The following PTGES3 variants were observed in gnomAD, a reference collection of about 807,000 sequenced individuals.
PTGES3 encodes prostaglandin E synthase 3.
A neutral mutation model predicts 29.9 loss-of-function variants in PTGES3; 5 were observed. The ratio of observed to expected loss-of-function variants is 0.17; its 90% confidence interval spans 0.09 to 0.35. PTGES3 has a LOEUF of 0.35. PTGES3 is among the 10% of genes least tolerant of loss of function. The pLI is 1.00. For missense variants in PTGES3, 128 were observed against 190.0 expected (o/e 0.67, Z 1.92); for synonymous variants, 49 against 57.8 (o/e 0.85, Z 0.69).
chr12:56,676,018 G>A (rs1952223186), intron 1 of PTGES3, among the ~76,000 whole-genome samples: 1 of 152,056 alleles, frequency 6.6e-6, no homozygotes, highest in African/African-American at 2.4e-5. Flanking sequence ...CCTGGGGCTG[G>A]GAGTTTGAGA....
chr12:56,665,686 C>T, intron 6 of PTGES3: 6 of 956,278 alleles, frequency 6.3e-6, no homozygotes, highest in Non-Finnish European at 7.5e-6. Context: ...CTGCTGCCCA[C>T]ACTGGAGTGC....
intron 1 of PTGES3, among the ~76,000 whole-genome samples, chr12:56,686,124 C>T (rs1018966593): frequency 2.1e-5 from 3 of 145,902 alleles, no homozygotes; most frequent in African/African-American, 7.5e-5. Flanking sequence ...TAGTAATAGC[C>T]GTTCCTTACC....
chr12:56,663,505 T>G lies in PTGES3; in HGVS notation c.*974A>C, dbSNP rs1345462473. ...AAGCCTCTTTTTTCAAACAGAGGAA[T>G]AATCCCAAATTCTTCCTCAAATAAA... On this transcript the variant is annotated 3_prime_UTR_variant, in exon 8 of 8. Coordinates refer to ENST00000262033, the MANE Select transcript of PTGES3 (RefSeq NM_006601.7). 1 of 145,352 alleles carries G rather than the reference T, an allele frequency of 6.9e-6. No homozygotes were observed. Among genetic ancestry groups the G allele is most frequent in the South Asian group, 2.2e-4 (1 of 4,554 alleles). 9.0% of individuals were successfully genotyped at this position (145,352 alleles called of 1,614,324 possible).
At position 56,680,207 on chromosome 12, in the gene PTGES3, T is replaced by C. The variant is rs904413486; in HGVS notation, c.3-7142A>G. Among the ~76,000 whole-genome samples, 10 of 151,148 alleles carry C rather than the reference T, an allele frequency of 6.6e-5. 1 individual carries two copies. Among genetic ancestry groups the C allele is most frequent in the Admixed American group, 6.6e-4 (10 of 15,134 alleles). ...CTGCCTCAGCCTCACAATGAGTAGA[T>C]GGAACTACAGGCATGCGTCACCACA... On this transcript the variant is annotated intron_variant, in intron 1 of 7. Transcript: ENST00000262033.
At position 56,664,299 on chromosome 12, in the gene PTGES3, A is replaced by G. The variant is rs1489385664; in HGVS notation, c.*180T>C. Reference sequence around the variant, plus strand: ...TAGCTGACTTAAAATTGCCCCATACAATGGTACATATCAACCCTTAGTGAA... The same window carrying G: ...TAGCTGACTTAAAATTGCCCCATACGATGGTACATATCAACCCTTAGTGAA... On this transcript the variant is annotated 3_prime_UTR_variant, in exon 8 of 8. Transcript: ENST00000262033. 1.2e-5 allele frequency: 7 copies of G among 596,094 alleles called. No individual in the cohort carries two copies. The highest frequency in any genetic ancestry group is 5.8e-6 in the Non-Finnish European group (2 of 343,166). The allele number at this position is 596,094 out of a possible 1,614,324, so 36.9% of individuals were successfully genotyped here.
At chr12:56,673,789 CAAA>C (rs57371154) in intron 1 of PTGES3, among the ~76,000 whole-genome samples, 15,778 of 92,226 alleles carry the variant, frequency 0.17, 1,092 homozygotes, top group East Asian at 0.27. Context: ...GAGACTGTCT[CAAA>C]AAAAAAAAAA....
intron 6 of PTGES3, chr12:56,665,647 CTT>C (rs1951757419): frequency 2.0e-6 from 2 of 984,802 alleles, no homozygotes; most frequent in African/African-American, 1.7e-5. Flanking sequence ...AACTGACTCT[CTT>C]CTTTCTTTTT....
At chr12:56,683,631 C>A (rs939482380) in intron 1 of PTGES3, among the ~76,000 whole-genome samples, 11 of 150,926 alleles carry the variant, frequency 7.3e-5, no homozygotes, top group African/African-American at 2.7e-4. Flanking sequence ...GCCTGGGCGA[C>A]AGAGCCAGAC....
At position 56,683,038 on chromosome 12, in the gene PTGES3, A is replaced by C. The variant is rs561874387; in HGVS notation, c.2+4960T>G. Among the ~76,000 whole-genome samples, 4 of 152,000 alleles carry C rather than the reference A, an allele frequency of 2.6e-5. No individual in the cohort carries two copies. The East Asian group carries it at 7.8e-4, about 29-fold the overall frequency. The stretch of plus-strand genomic sequence containing the variant: ...ACAAAGGTATACCGAGGAAGCAGGG[A>C]AGCAGCCTCATTCTAGAATCTATCA... On this transcript the variant is annotated intron_variant, in intron 1 of 7. Coordinates refer to ENST00000262033, the MANE Select transcript of PTGES3 (RefSeq NM_006601.7).
rs118184385 is a variant in PTGES3, at chr12:56,679,727, A to G, written c.3-6662T>C. Among the ~76,000 whole-genome samples the G allele has an allele frequency of 3.2e-3, 481 of 151,716 alleles. 7 individuals are homozygous for G. The East Asian group carries it at 0.037, about 12-fold the overall frequency. ...GTCACCCCGGAGTGACAGGCTGGAGAACGGTGGCATGATCTTGGCTCACCG... is the reference window on the plus strand; with the variant it reads ...GTCACCCCGGAGTGACAGGCTGGAGGACGGTGGCATGATCTTGGCTCACCG... On this transcript the variant is annotated intron_variant, in intron 1 of 7. Coordinates refer to ENST00000262033, the MANE Select transcript of PTGES3 (RefSeq NM_006601.7).
At chr12:56,675,004 CAAAAAAAAAAA>C (rs1177350725) in intron 1 of PTGES3, among the ~76,000 whole-genome samples, 3 of 32,358 alleles carry the variant, frequency 9.3e-5, no homozygotes, top group East Asian at 1.1e-3. Context: ...AACTCGGTCT[CAAAAAAAAAAA>C]AAAAAAAAAA....
Position 56,688,116 on chromosome 12 carries a change from T to C in PTGES3, c.-117A>G. The C allele has an allele frequency of 7.1e-7, 1 of 1,416,958 alleles. No homozygotes were observed. Among genetic ancestry groups the C allele is most frequent in the Non-Finnish European group, 9.2e-7 (1 of 1,087,126 alleles). 87.8% of individuals were successfully genotyped at this position (1,416,958 alleles called of 1,614,324 possible). On this transcript the variant is annotated 5_prime_UTR_variant, in exon 1 of 8. Transcript: ENST00000262033. ...CCGCTTTTTCTCTCCGGTCGCGGCCTCTTCTCGCTTCCCTCAGGCGACGGC... is the reference window on the plus strand; with the variant it reads ...CCGCTTTTTCTCTCCGGTCGCGGCCCCTTCTCGCTTCCCTCAGGCGACGGC...
chr12:56,681,308 G>C (rs1420702222), intron 1 of PTGES3, among the ~76,000 whole-genome samples: 2 of 151,926 alleles, frequency 1.3e-5, no homozygotes, highest in Admixed American at 6.6e-5. Flanking sequence ...GGAGGCCGAG[G>C]AGGGCGGATC....
At chr12:56,666,333 T>C in intron 5 of PTGES3, 67 bp from the exon 6 acceptor site, 1 of 1,555,414 alleles carries the variant, frequency 6.4e-7, no homozygotes, top group Non-Finnish European at 8.7e-7. Flanking sequence ...TAATGCTGTA[T>C]GCTTCAGAAT....
chr12:56,681,077 A>G (rs959118718), intron 1 of PTGES3, among the ~76,000 whole-genome samples: 1 of 150,102 alleles, frequency 6.7e-6, no homozygotes, highest in Non-Finnish European at 1.5e-5. Context: ...TGGTCCCCCC[A>G]TTTGTAGTTG....
chr12:56,665,390 G>T, intron 6 of PTGES3: 1 of 882,312 alleles, frequency 1.1e-6, no homozygotes, highest in South Asian at 5.2e-5. Flanking sequence ...TGCCTCCCGG[G>T]TTCAAGCGAT....
chr12:56,687,750 G>A lies in PTGES3; in HGVS notation c.2+248C>T, dbSNP rs1045646285. 89 of 1,380,394 alleles carry A rather than the reference G, an allele frequency of 6.4e-5. 1 individual carries two copies. Among genetic ancestry groups the A allele is most frequent in the South Asian group, 1.8e-4 (11 of 62,540 alleles). 85.5% of individuals were successfully genotyped at this position (1,380,394 alleles called of 1,614,324 possible). Reference sequence around the variant, plus strand: ...GGCGAGTAACCCAGACAGCCAAAGGGGTAAAAGTAGGATTTCCGGCATGGG... The same window carrying A: ...GGCGAGTAACCCAGACAGCCAAAGGAGTAAAAGTAGGATTTCCGGCATGGG... On this transcript the variant is annotated intron_variant, in intron 1 of 7. Coordinates refer to ENST00000262033, the MANE Select transcript of PTGES3 (RefSeq NM_006601.7).
In PTGES3 at chr12:56,676,231, C is replaced by G. The variant is rs11171931; in HGVS notation, c.3-3166G>C. Reference sequence around the variant, plus strand: ...ACAGAGAGAGGCTGTGTCTCCCCCCCCAAAAAAAAAAAAAAAGCCAAAATA... The same window carrying G: ...ACAGAGAGAGGCTGTGTCTCCCCCCGCAAAAAAAAAAAAAAAGCCAAAATA... On this transcript the variant is annotated intron_variant, in intron 1 of 7. Transcript: ENST00000262033. Among the ~76,000 whole-genome samples the G allele has an allele frequency of 5.2e-4, 64 of 122,920 alleles. 1 individual carries two copies. In the East Asian group the frequency reaches 9.2e-3, roughly 18 times the overall value. The allele number at this position is 122,920 out of a possible 152,430, so 80.6% of individuals were successfully genotyped here. A position where few individuals can be genotyped will look rare whatever the true frequency, so the allele number is the denominator to read the frequency against.
At chr12:56,673,993 G>C (rs1565866725) in intron 1 of PTGES3, among the ~76,000 whole-genome samples, 1 of 151,790 alleles carries the variant, frequency 6.6e-6, no homozygotes, top group Non-Finnish European at 1.5e-5. Context: ...AAAAACACTG[G>C]TACATCAGAG....
Sources: gnomAD v4.1 joint callset for allele counts (sites outside exome capture counted in the v4.1 genomes callset) on GRCh38, gnomAD v4.1.1 for gene constraint, MANE v1.5 for transcripts, NCBI Gene and HGNC (gene_info 2026-07-23, HGNC 2026-07-21) for gene names.